ATP8B4: variants seen among roughly 807,000 people sequenced by gnomAD.
The protein encoded by ATP8B4 is probable phospholipid-transporting ATPase IM.
Under a neutral mutation model 145.6 loss-of-function variants are expected in ATP8B4, and 133 were observed. The ratio of observed to expected loss-of-function variants is 0.91; its 90% confidence interval spans 0.79 to 1.05. The LOEUF is 1.05. Ranked by LOEUF, ATP8B4 falls within the 50% of genes least tolerant of loss-of-function variation. ATP8B4 has a pLI of 0.00. For missense variants in ATP8B4, 1,458 were observed against 1,425.2 expected (o/e 1.02, Z -0.37); for synonymous variants, 507 against 492.9 (o/e 1.03, Z -0.38).
chr15:49,987,765 A>T (rs2046741357), intron 9 of ATP8B4, among the ~76,000 whole-genome samples: 1 of 152,176 alleles, frequency 6.6e-6, no homozygotes, highest in African/African-American at 2.4e-5. Flanking sequence ...AAATAAAAAT[A>T]GAAAAAACAA....
intron 3 of ATP8B4, among the ~76,000 whole-genome samples, chr15:50,054,359 A>G (rs1461822381): frequency 2.0e-5 from 3 of 152,220 alleles, no homozygotes; most frequent in African/African-American, 4.8e-5. Context: ...TTACTGGCCA[A>G]AAGAGTCACC....
At chr15:49,866,746 G>A (rs903853592) in intron 25 of ATP8B4, among the ~76,000 whole-genome samples, 3 of 152,204 alleles carry the variant, frequency 2.0e-5, no homozygotes, top group African/African-American at 7.2e-5. Flanking sequence ...GAGGTAAGAT[G>A]TTAAACATGT....
At chr15:50,070,010 A>C (rs2053624421) in intron 3 of ATP8B4, among the ~76,000 whole-genome samples, 1 of 152,250 alleles carries the variant, frequency 6.6e-6, no homozygotes, top group Admixed American at 6.5e-5. Flanking sequence ...ATTTCCATAT[A>C]TTAAAAAAGG....
upstream of ATP8B4, among the ~76,000 whole-genome samples, chr15:50,124,210 G>A (rs746844480): frequency 2.0e-5 from 3 of 152,084 alleles, no homozygotes; most frequent in Non-Finnish European, 4.4e-5. Context: ...ACTTTCCACT[G>A]TGTATTGGGC....
At chr15:50,153,342 C>CTTT (rs35816153) in intron 1 of ATP8B4, among the ~76,000 whole-genome samples, 2 of 143,744 alleles carry the variant, frequency 1.4e-5, no homozygotes, top group South Asian at 2.2e-4. Context: ...AAAGATACAC[C>CTTT]TTTTTTTTTT....
At chr15:50,072,091 C>T (rs548066527) in intron 3 of ATP8B4, among the ~76,000 whole-genome samples, 7 of 151,244 alleles carry the variant, frequency 4.6e-5, no homozygotes, top group African/African-American at 1.7e-4. Flanking sequence ...TATAATAGCC[C>T]AATGCATTCA....
chr15:50,088,290 G>T, intron 2 of ATP8B4, among the ~76,000 whole-genome samples: 1 of 151,892 alleles, frequency 6.6e-6, no homozygotes. Flanking sequence ...AGAATTGCTT[G>T]AACCCGGGAG....
At chr15:49,866,691 T>G (rs566586105) in intron 25 of ATP8B4, among the ~76,000 whole-genome samples, 1 of 152,334 alleles carries the variant, frequency 6.6e-6, no homozygotes, top group South Asian at 2.1e-4. Context: ...CTTTAGAACT[T>G]CTATACGCAA....
intron 1 of ATP8B4, among the ~76,000 whole-genome samples, chr15:50,118,168 C>T (rs28719855): frequency 0.017 from 2,580 of 151,942 alleles, 70 homozygotes; most frequent in African/African-American, 0.056. Flanking sequence ...ATAAAATAAA[C>T]GATATAGATA....
chr15:50,060,802 GTC>G (rs1201146714), intron 3 of ATP8B4, among the ~76,000 whole-genome samples: 4 of 152,134 alleles, frequency 2.6e-5, no homozygotes, highest in African/African-American at 9.7e-5. Context: ...GGGCCCGAGA[GTC>G]TGCATTTCTA....
rs112903663 is a variant in ATP8B4, at chr15:50,162,727, C to T, written c.-43+19534G>A. Among the ~76,000 whole-genome samples the T allele has an allele frequency of 2.7e-3, 416 of 152,006 alleles. 1 individual carries two copies. Among genetic ancestry groups the T allele is most frequent in the African/African-American group, 8.9e-3 (368 of 41,492 alleles). On this transcript the variant is annotated intron_variant, in intron 1 of 3. Transcript: ENST00000558829. Reference sequence around the variant, plus strand: ...TTCACTGTGTTAGCCAGGATGGTCTCGATCTCCTGACCTCATGATCCACCC... The same window carrying T: ...TTCACTGTGTTAGCCAGGATGGTCTTGATCTCCTGACCTCATGATCCACCC...
chr15:50,128,930 T>C (rs1287564070), intron 1 of ATP8B4, among the ~76,000 whole-genome samples: 4 of 152,168 alleles, frequency 2.6e-5, no homozygotes, highest in African/African-American at 9.7e-5. Flanking sequence ...TAGCTGGGCC[T>C]GGTGGTGCGC....
At chr15:49,960,386 A>C (rs932745826) in intron 14 of ATP8B4, among the ~76,000 whole-genome samples, 25 of 152,222 alleles carry the variant, frequency 1.6e-4, no homozygotes, top group African/African-American at 5.8e-4. Flanking sequence ...CACATCAAAA[A>C]TTCAGTAATA....
intron 1 of ATP8B4, among the ~76,000 whole-genome samples, chr15:50,168,211 C>G (rs1008501123): frequency 6.6e-6 from 1 of 152,164 alleles, no homozygotes; most frequent in Non-Finnish European, 1.5e-5. Context: ...GAGCTCCCAA[C>G]AGAGCAGCAT....
chr15:50,039,533 T>A (rs1423761849), intron 5 of ATP8B4, among the ~76,000 whole-genome samples: 1 of 152,140 alleles, frequency 6.6e-6, no homozygotes, highest in East Asian at 1.9e-4. Context: ...ATGTGAAATG[T>A]CAAGATCAGA....
At chr15:50,054,783 C>CAAA (rs55783703) in intron 3 of ATP8B4, among the ~76,000 whole-genome samples, 15 of 81,864 alleles carry the variant, frequency 1.8e-4, no homozygotes, top group Non-Finnish European at 2.6e-4. Context: ...GACTCCGCCT[C>CAAA]AAAAAAAAAA....
upstream of ATP8B4, among the ~76,000 whole-genome samples, chr15:50,120,371 T>G (rs1405177190): frequency 1.3e-5 from 2 of 152,206 alleles, no homozygotes; most frequent in Non-Finnish European, 2.9e-5. Flanking sequence ...CAATCATCTC[T>G]TTAAAATATT....
upstream of ATP8B4, among the ~76,000 whole-genome samples, chr15:50,123,498 C>A (rs1326355110): frequency 1.3e-5 from 2 of 152,144 alleles, no homozygotes; most frequent in Non-Finnish European, 2.9e-5. Context: ...TAACCAGGAA[C>A]AGAAGACAGC....
At chr15:49,972,912 C>T in intron 12 of ATP8B4, 122 bp from the exon 13 acceptor site, 1 of 890,594 alleles carries the variant, frequency 1.1e-6, no homozygotes, top group East Asian at 2.6e-5. Context: ...TGTGGATGCT[C>T]TGTCCCTAGG....
Sources: allele counts gnomAD v4.1 joint callset (sites outside exome capture counted in the v4.1 genomes callset), GRCh38; gene constraint gnomAD v4.1.1; transcripts MANE v1.5; gene names NCBI Gene and HGNC (gene_info 2026-07-23, HGNC 2026-07-21).